The following NUP205 variants were observed in gnomAD, a reference collection of about 807,000 sequenced individuals.
NUP205 encodes nuclear pore complex protein Nup205.
In NUP205, 76 loss-of-function variants were observed where a neutral mutation model predicts 253.8. The ratio of observed to expected loss-of-function variants is 0.30; its 90% CI spans 0.25 to 0.36. NUP205 has a LOEUF of 0.36. Ranked by LOEUF, NUP205 falls within the 10% of genes least tolerant of loss-of-function variation. The pLI is 1.00. For synonymous variants in NUP205, 832 were observed against 850.1 expected (o/e 0.98, Z 0.37); for missense variants, 2,162 against 2,425.5 (o/e 0.89, Z 2.28).
chr7:135,594,838 TC>T (rs35866516), intron 13 of NUP205, 109 bp downstream of exon 13: 26,375 of 806,696 alleles, frequency 0.033, 557 homozygotes, highest in Middle Eastern at 0.071. Context: ...ATCATGAACA[TC>T]CCAACTAGAG....
At chr7:135,599,994 G>C (rs1215814508) in intron 15 of NUP205, among the ~76,000 whole-genome samples, 1 of 152,054 alleles carries the variant, frequency 6.6e-6, no homozygotes, top group Non-Finnish European at 1.5e-5. Flanking sequence ...ATGCAAAACA[G>C]TGAATAATAT....
At chr7:135,638,414 GAAA>G (rs372398905) in intron 37 of NUP205, 140 bp from the exon 38 acceptor site, 2,227 of 460,356 alleles carry the variant, frequency 4.8e-3, no homozygotes, top group East Asian at 7.3e-3. Context: ...GACTCCATCT[GAAA>G]AAAAAAAAAA....
At position 135,648,649 on chromosome 7, in the gene NUP205, A is replaced by G. The variant is rs1362395851; in HGVS notation, c.*93A>G. 1.5e-5 allele frequency: 16 copies of G among 1,054,994 alleles called. No individual in the cohort carries two copies. The highest frequency in any genetic ancestry group is 1.7e-5 in the Non-Finnish European group (13 of 786,926). 65.4% of individuals were successfully genotyped at this position (1,054,994 alleles called of 1,614,324 possible). ...GTTTCTTTCTAAATTATGACCAAAA[A>G]TATTTTGCTATTTCTTTCTTTGTAT... On this transcript the variant is annotated 3_prime_UTR_variant, in exon 43 of 43. Transcript: ENST00000285968.
intron 30 of NUP205, among the ~76,000 whole-genome samples, chr7:135,621,794 ATTTTC>A (rs568084444): frequency 1.1e-4 from 16 of 151,924 alleles, no homozygotes; most frequent in African/African-American, 2.7e-4. Context: ...TTCTAGCTAA[ATTTTC>A]TTTTCTTTTC....
At chr7:135,581,344 GACAA>G (rs1279505180) in intron 7 of NUP205, among the ~76,000 whole-genome samples, 1 of 152,040 alleles carries the variant, frequency 6.6e-6, no homozygotes, top group African/African-American at 2.4e-5. Context: ...AGGAGTTCAT[GACAA>G]ACCTGGGCAA....
intron 32 of NUP205, among the ~76,000 whole-genome samples, chr7:135,625,601 A>G (rs1056526881): frequency 3.9e-5 from 6 of 152,212 alleles, no homozygotes; most frequent in South Asian, 4.1e-4. Context: ...CATGATGGCA[A>G]TATGACAGCC....
At chr7:135,569,068 A>C (rs1420562263) in intron 1 of NUP205, among the ~76,000 whole-genome samples, 1 of 151,908 alleles carries the variant, frequency 6.6e-6, no homozygotes, top group Non-Finnish European at 1.5e-5. Flanking sequence ...ATGGAGTTTA[A>C]ATTTTTTATT....
Position 135,601,370 on chromosome 7 carries a change from G to A in NUP205, c.2375G>A (p.Gly792Glu). 3 of 1,610,988 alleles carry A rather than the reference G, an allele frequency of 1.9e-6. No homozygotes were observed. Among genetic ancestry groups the A allele is most frequent in the Non-Finnish European group, 2.5e-6 (3 of 1,178,634 alleles). ...TTGGAATATGTTATGTTCTATTTAGGAGAAGAAATCATAGCCTATAAGCCA... is the reference window on the plus strand; with the variant it reads ...TTGGAATATGTTATGTTCTATTTAGAAGAAGAAATCATAGCCTATAAGCCA... ...DFVDQFVELQGEEIIAYKPPG... is the reference protein window; with the variant it reads ...DFVDQFVELQEEEIIAYKPPG... The change falls in exon 17 of 43, where the codon GGA becomes GAA. Residue 792 changes from glycine (G) to glutamate (E), a missense_variant and splice_region_variant. By Grantham distance (98) the Gly-to-Glu change is moderately conservative. Coordinates refer to ENST00000285968, the MANE Select transcript of NUP205 (RefSeq NM_015135.3).
chr7:135,638,952 G>A (rs1794868452), intron 38 of NUP205, among the ~76,000 whole-genome samples: 1 of 152,142 alleles, frequency 6.6e-6, no homozygotes, highest in Admixed American at 6.6e-5. Context: ...GATCTAAATT[G>A]GGGAGTCAGG....
chr7:135,563,892 G>A (rs546081551), intron 1 of NUP205, among the ~76,000 whole-genome samples: 1 of 152,132 alleles, frequency 6.6e-6, no homozygotes, highest in Admixed American at 6.5e-5. Context: ...GAGAAGCTGA[G>A]GCAGGAGGTT....
intron 17 of NUP205, 113 bp downstream of exon 17, chr7:135,601,620 C>T: frequency 8.7e-7 from 1 of 1,143,710 alleles, no homozygotes; most frequent in Non-Finnish European, 1.2e-6. Flanking sequence ...GTAAGATTCT[C>T]TCTCTGTATC....
chr7:135,591,128 T>G (rs1806618007), intron 10 of NUP205, among the ~76,000 whole-genome samples: 1 of 152,242 alleles, frequency 6.6e-6, no homozygotes, highest in African/African-American at 2.4e-5. Flanking sequence ...TTAAGTGTAC[T>G]TTTGAATTGC....
intron 1 of NUP205, among the ~76,000 whole-genome samples, chr7:135,568,078 A>G (rs56177189): frequency 0.4 from 60,053 of 151,784 alleles, 12,397 homozygotes; most frequent in Middle Eastern, 0.57. Context: ...TACAAAAATT[A>G]GACGGGCGTG....
At chr7:135,619,365 T>G (rs1794426276) in intron 28 of NUP205, 58 bp from the exon 29 acceptor site, 2 of 1,542,930 alleles carry the variant, frequency 1.3e-6, no homozygotes, top group Non-Finnish European at 8.8e-7. Flanking sequence ...CTATGAAATT[T>G]GTTAATGATT....
At chr7:135,597,279 G>T in intron 13 of NUP205, 89 bp from the exon 14 acceptor site, 1 of 855,198 alleles carries the variant, frequency 1.2e-6, no homozygotes, top group Non-Finnish European at 2.0e-6. Flanking sequence ...GGTCCAGTGG[G>T]TGAGGTATGT....
In NUP205 at chr7:135,625,343, T is replaced by C. The variant is rs763377169; in HGVS notation, c.4659T>C (p.Tyr1553=). 38 of 1,592,262 alleles carry C rather than the reference T, an allele frequency of 2.4e-5. No individual in the cohort carries two copies. The highest frequency in any genetic ancestry group is 3.0e-5 in the Non-Finnish European group (35 of 1,172,242). The change falls in exon 32 of 43, where the codon TAT becomes TAC. Residue 1553 remains tyrosine (Y), a synonymous_variant. Coordinates refer to ENST00000285968, the MANE Select transcript of NUP205 (RefSeq NM_015135.3). ...QPPLLKALYT[Y]ESKMAFLTRV... The stretch of plus-strand genomic sequence containing the variant: ...CCCTTTTAAAAGCACTTTATACTTA[T>C]GAATCTAAAATGGTAAGGCTTTCTA...
At chr7:135,595,791 T>C (rs1793818790) in intron 13 of NUP205, among the ~76,000 whole-genome samples, 1 of 152,190 alleles carries the variant, frequency 6.6e-6, no homozygotes, top group South Asian at 2.1e-4. Context: ...AATTATTTTA[T>C]ATGTGATAAA....
intron 39 of NUP205, among the ~76,000 whole-genome samples, chr7:135,644,342 A>C (rs191801228): frequency 1.4e-4 from 22 of 152,324 alleles, no homozygotes; most frequent in African/African-American, 3.8e-4. Context: ...GAGGAATTGC[A>C]TCATCATCAT....
At chr7:135,613,119 A>G (rs1265794659) in intron 22 of NUP205, among the ~76,000 whole-genome samples, 2 of 151,748 alleles carry the variant, frequency 1.3e-5, no homozygotes, top group African/African-American at 4.8e-5. Flanking sequence ...TTATAATATG[A>G]TACCTACCTA....
Sources: allele counts gnomAD v4.1 joint callset (sites outside exome capture counted in the v4.1 genomes callset), GRCh38; gene constraint gnomAD v4.1.1; transcripts MANE v1.5; gene names NCBI Gene and HGNC (gene_info 2026-07-23, HGNC 2026-07-21).